The following RALGAPA2 variants were observed in gnomAD, a reference collection of about 807,000 sequenced individuals.
RALGAPA2 encodes the protein Ral GTPase activating protein catalytic subunit alpha 2.
RALGAPA2 carries 139 observed loss-of-function variants against 230.4 expected under a neutral mutation model. The ratio of observed to expected loss-of-function variants is 0.60; its 90% CI spans 0.53 to 0.69. The LOEUF is 0.69. Ranked by LOEUF, RALGAPA2 falls within the 30% of genes least tolerant of loss-of-function variation. The pLI is 0.00. For synonymous variants in RALGAPA2, 847 were observed against 837.8 expected (o/e 1.01, Z -0.19); for missense variants, 2,163 against 2,276.0 (o/e 0.95, Z 1.01).
chr20:20,624,638 A>C (rs1488236858), intron 10 of RALGAPA2, among the ~76,000 whole-genome samples: 2 of 152,142 alleles, frequency 1.3e-5, no homozygotes, highest in African/African-American at 4.8e-5. Flanking sequence ...CATGGCTGCT[A>C]ATTTATTCAT....
At position 20,444,384 on chromosome 20, in the gene RALGAPA2, C is replaced by A. The variant is rs200805765; in HGVS notation, c.5495+28445G>T. ...GACTCTCCTACACCCTAGCACATCA[C>A]CTCGTTTCCCAATTTGAGGAGATCT... On this transcript the variant is annotated intron_variant, in intron 37 of 39. Transcript: ENST00000202677. Among the ~76,000 whole-genome samples the A allele has an allele frequency of 2.0e-5, 3 of 152,282 alleles. No homozygotes were observed. The East Asian group carries it at 5.8e-4, about 29-fold the overall frequency.
intron 37 of RALGAPA2, among the ~76,000 whole-genome samples, chr20:20,454,764 C>A (rs2061070483): frequency 1.3e-5 from 2 of 152,156 alleles, no homozygotes; most frequent in Non-Finnish European, 2.9e-5. Context: ...GTAGTGACAT[C>A]CAATGTTCAT....
chr20:20,457,113 C>T (rs1358967000), intron 37 of RALGAPA2, among the ~76,000 whole-genome samples: 2 of 152,204 alleles, frequency 1.3e-5, no homozygotes, highest in Non-Finnish European at 2.9e-5. Context: ...ACGTGCCTGA[C>T]ACTTGCACCC....
At chr20:20,513,766 T>C (rs1461314575) in intron 31 of RALGAPA2, among the ~76,000 whole-genome samples, 1 of 152,202 alleles carries the variant, frequency 6.6e-6, no homozygotes, top group Non-Finnish European at 1.5e-5. Context: ...GATCTGGGAC[T>C]GAGAGACAGG....
intron 23 of RALGAPA2, among the ~76,000 whole-genome samples, chr20:20,547,258 G>T (rs552530466): frequency 2.0e-5 from 3 of 152,348 alleles, no homozygotes; most frequent in Middle Eastern, 3.4e-3. Flanking sequence ...AGTAGGCAAA[G>T]ACATGGAAAA....
chr20:20,434,597 G>A (rs2060568766), intron 37 of RALGAPA2, among the ~76,000 whole-genome samples: 1 of 152,148 alleles, frequency 6.6e-6, no homozygotes, highest in Non-Finnish European at 1.5e-5. Flanking sequence ...TTTTAAAGCA[G>A]TCTGCCATTG....
At chr20:20,634,930 G>T (rs1201072163) in intron 9 of RALGAPA2, among the ~76,000 whole-genome samples, 1 of 152,142 alleles carries the variant, frequency 6.6e-6, no homozygotes, top group Non-Finnish European at 1.5e-5. Flanking sequence ...TCTTCTAGGG[G>T]CCCCACCATT....
At chr20:20,641,897 T>C (rs2067042210) in intron 5 of RALGAPA2, among the ~76,000 whole-genome samples, 2 of 151,604 alleles carry the variant, frequency 1.3e-5, no homozygotes, top group Admixed American at 1.3e-4. Flanking sequence ...TTCTGCTTTC[T>C]CCCAATAGAA....
chr20:20,553,969 T>C (rs2064003202), intron 23 of RALGAPA2, among the ~76,000 whole-genome samples: 1 of 152,228 alleles, frequency 6.6e-6, no homozygotes, highest in Non-Finnish European at 1.5e-5. Context: ...CTGTCTAAAC[T>C]GCCTCCTTCT....
chr20:20,647,636 T>C (rs977728803), intron 4 of RALGAPA2, among the ~76,000 whole-genome samples: 22 of 151,970 alleles, frequency 1.4e-4, no homozygotes, highest in Non-Finnish European at 4.4e-5. Context: ...AATTAAAAAC[T>C]TCAACTTTTC....
At chr20:20,528,301 G>C (rs1305685721) in intron 27 of RALGAPA2, among the ~76,000 whole-genome samples, 2 of 152,170 alleles carry the variant, frequency 1.3e-5, no homozygotes, top group East Asian at 3.9e-4. Context: ...CAGCCTGTGG[G>C]CTGCACAGGT....
intron 37 of RALGAPA2, among the ~76,000 whole-genome samples, chr20:20,467,169 G>A (rs951260410): frequency 1.3e-5 from 2 of 152,124 alleles, no homozygotes; most frequent in African/African-American, 4.8e-5. Context: ...CCAACTCTCA[G>A]GGGCCCATAT....
chr20:20,600,230 A>G (rs1195166770), intron 16 of RALGAPA2, among the ~76,000 whole-genome samples: 1 of 152,228 alleles, frequency 6.6e-6, no homozygotes, highest in Non-Finnish European at 1.5e-5. Flanking sequence ...TGGGAGGCAG[A>G]GGTTGCAATG....
At chr20:20,683,944 A>C (rs2068610582) in intron 1 of RALGAPA2, among the ~76,000 whole-genome samples, 1 of 152,144 alleles carries the variant, frequency 6.6e-6, no homozygotes, top group South Asian at 2.1e-4. Context: ...CTCTAATGTA[A>C]CTTCTGAGCA....
Position 20,712,263 on chromosome 20 carries a change from C to CCCCCCA in RALGAPA2, c.106+111_106+112insTGGGGG. 6.4e-6 allele frequency: 5 copies of CCCCCCA among 781,954 alleles called. No individual in the cohort carries two copies. Among genetic ancestry groups the CCCCCCA allele is most frequent in the East Asian group, 4.1e-5 (1 of 24,136 alleles). The allele number at this position is 781,954 out of a possible 1,614,324, so 48.4% of individuals were successfully genotyped here. On this transcript the variant is annotated intron_variant, in intron 1 of 39. Coordinates refer to ENST00000202677, the MANE Select transcript of RALGAPA2 (RefSeq NM_020343.4). This position sits in a 1 kb window ranked among gnomAD's most constrained non-coding sequence, Gnocchi z 5.5. ...GATCCAGGGAAGGGGGTCGGACGCC[C>CCCCCCA]ACCCATCCCCCTCCCCAGCCTCCCA...
chr20:20,598,163 C>T (rs564910025), intron 16 of RALGAPA2, among the ~76,000 whole-genome samples: 27 of 152,268 alleles, frequency 1.8e-4, no homozygotes, highest in African/African-American at 5.1e-4. Context: ...GAAATTACTG[C>T]TTTTTGGCAC....
chr20:20,397,023 C>A (rs889120979), intron 38 of RALGAPA2, among the ~76,000 whole-genome samples: 13 of 152,198 alleles, frequency 8.5e-5, no homozygotes, highest in Non-Finnish European at 1.5e-4. Context: ...TGTCAGGAGC[C>A]CTACAGATGC....
intron 1 of RALGAPA2, among the ~76,000 whole-genome samples, chr20:20,710,085 G>C (rs971370955): frequency 6.6e-6 from 1 of 152,160 alleles, no homozygotes; most frequent in South Asian, 2.1e-4. Flanking sequence ...TACGTAACTA[G>C]CTCAAGTCAT....
intron 38 of RALGAPA2, among the ~76,000 whole-genome samples, chr20:20,402,028 G>A (rs944300009): frequency 6.6e-6 from 1 of 152,230 alleles, no homozygotes; most frequent in Non-Finnish European, 1.5e-5. Context: ...CCACTGGGTT[G>A]TTCATTCCTG....
Sources: allele counts gnomAD v4.1 joint callset (sites outside exome capture counted in the v4.1 genomes callset), GRCh38; gene constraint gnomAD v4.1.1; non-coding constraint Gnocchi (gnomAD v3.1); transcripts MANE v1.5; gene names NCBI Gene and HGNC (gene_info 2026-07-23, HGNC 2026-07-21).